PLAA: variants seen among roughly 807,000 people sequenced by gnomAD.
PLAA encodes phospholipase A2 activating protein.
A neutral mutation model predicts 84.1 loss-of-function variants in PLAA; 48 were observed. The ratio of observed to expected loss-of-function variants is 0.57; its 90% CI spans 0.45 to 0.73. PLAA has a LOEUF of 0.73. Among genes scored for constraint, PLAA ranks in the 30% least tolerant of loss-of-function variants. PLAA has a pLI of 0.00. For missense variants in PLAA, 903 were observed against 954.7 expected (o/e 0.95, Z 0.71); for synonymous variants, 392 against 336.6 (o/e 1.16, Z -1.80).
intron 1 of PLAA, among the ~76,000 whole-genome samples, chr9:26,944,511 T>C (rs1377891083): frequency 1.3e-5 from 2 of 152,212 alleles, no homozygotes; most frequent in African/African-American, 4.8e-5. Context: ...ATCTTTTGAC[T>C]TTCCTGGGCC....
intron 1 of PLAA, among the ~76,000 whole-genome samples, chr9:26,939,552 G>A (rs904294416): frequency 4.1e-5 from 6 of 146,820 alleles, no homozygotes; most frequent in Non-Finnish European, 7.4e-5. Flanking sequence ...AAATGGCATC[G>A]GTGATTACTT....
intron 8 of PLAA, among the ~76,000 whole-genome samples, chr9:26,919,888 G>T (rs962764648): frequency 6.6e-6 from 1 of 152,080 alleles, no homozygotes; most frequent in African/African-American, 2.4e-5. Flanking sequence ...TGCCCTGCAG[G>T]GTCTCTCATG....
intron 11 of PLAA, among the ~76,000 whole-genome samples, chr9:26,911,630 A>G (rs2131368728): frequency 6.6e-6 from 1 of 152,286 alleles, no homozygotes; most frequent in South Asian, 2.1e-4. Flanking sequence ...TTAAGTCTCT[A>G]TTATATTAAC....
At chr9:26,928,733 T>C (rs1215587954) in intron 2 of PLAA, among the ~76,000 whole-genome samples, 2 of 152,180 alleles carry the variant, frequency 1.3e-5, no homozygotes, top group African/African-American at 4.8e-5. Flanking sequence ...CAAATCATAA[T>C]AGGGAGATAA....
intron 9 of PLAA, among the ~76,000 whole-genome samples, chr9:26,918,931 C>T (rs1243043432): frequency 6.6e-6 from 1 of 152,004 alleles, no homozygotes; most frequent in Non-Finnish European, 1.5e-5. Context: ...CTAAAACTAC[C>T]CATAGGGTTC....
In PLAA at chr9:26,927,612, T is replaced by C. The variant is rs76614690; in HGVS notation, c.565+488A>G. Among the ~76,000 whole-genome samples the C allele has an allele frequency of 7.4e-3, 1,125 of 152,326 alleles. 5 individuals carry two copies. The highest frequency in any genetic ancestry group is 0.054 in the Middle Eastern group (16 of 294). ...ATGCATCAGTATTGGCATTATTTAATAGCTGGGGTTTAAAAAGAATACTCA... is the reference window on the plus strand; with the variant it reads ...ATGCATCAGTATTGGCATTATTTAACAGCTGGGGTTTAAAAAGAATACTCA... On this transcript the variant is annotated intron_variant, in intron 4 of 13. Coordinates refer to ENST00000397292, the MANE Select transcript of PLAA (RefSeq NM_001031689.3).
At chr9:26,927,796 T>C (rs967150498) in intron 4 of PLAA, among the ~76,000 whole-genome samples, 3 of 152,150 alleles carry the variant, frequency 2.0e-5, no homozygotes, top group African/African-American at 7.2e-5. Context: ...AGTATTAAAA[T>C]GACAACCAAA....
At chr9:26,928,690 C>T (rs534755586) in intron 2 of PLAA, among the ~76,000 whole-genome samples, 3 of 152,312 alleles carry the variant, frequency 2.0e-5, no homozygotes, top group African/African-American at 7.2e-5. Flanking sequence ...GGGAGCGGAA[C>T]TTAAGTGAGC....
At chr9:26,915,954 A>G (rs1049063548) in intron 10 of PLAA, 5 of 985,448 alleles carry the variant, frequency 5.1e-6, no homozygotes, top group Non-Finnish European at 6.0e-6. Flanking sequence ...TCTACTCTTC[A>G]GATCCTTACT....
At chr9:26,913,970 G>A (rs1824476001) in intron 10 of PLAA, 23 bp from the exon 11 acceptor site, 1 of 1,523,018 alleles carries the variant, frequency 6.6e-7, no homozygotes, top group Non-Finnish European at 9.1e-7. Flanking sequence ...AATACTCCTA[G>A]TAAGCAAAGG....
intron 2 of PLAA, among the ~76,000 whole-genome samples, chr9:26,929,525 T>A (rs1413249785): frequency 2.0e-5 from 3 of 152,108 alleles, no homozygotes; most frequent in Admixed American, 6.5e-5. Flanking sequence ...AAGAGTATCA[T>A]TGGCGGTCGA....
chr9:26,907,664 AAGATCAT>A (rs72075160), intron 13 of PLAA, 163 bp downstream of exon 13: 27,772 of 554,840 alleles, frequency 0.05, 976 homozygotes, highest in African/African-American at 0.13. Flanking sequence ...TAACGGAAAC[AAGATCAT>A]CAATTCCAGT....
At chr9:26,917,189 G>C (rs202198857) in intron 9 of PLAA, 24 bp from the exon 10 acceptor site, 225 of 1,603,764 alleles carry the variant, frequency 1.4e-4, no homozygotes, top group Non-Finnish European at 1.8e-4. Flanking sequence ...ATAAAGAAAA[G>C]GCAGAAGTGC....
At chr9:26,916,665 A>G in intron 10 of PLAA, 1 of 991,614 alleles carries the variant, frequency 1.0e-6, no homozygotes, top group Non-Finnish European at 1.2e-6. Context: ...CGCCAGTGAT[A>G]GCACTCATGC....
chr9:26,907,820 G>T lies in PLAA; in HGVS notation c.1822+14C>A. 3 of 1,581,042 alleles carry T rather than the reference G, an allele frequency of 1.9e-6. No individual in the cohort carries two copies. Among genetic ancestry groups the T allele is most frequent in the South Asian group, 2.4e-5 (2 of 83,660 alleles). ...CTTGCTTTCTGGTTACATTTTTGAAGAGTGTTTATTTACCTTCAGGACAGT... is the reference window on the plus strand; with the variant it reads ...CTTGCTTTCTGGTTACATTTTTGAATAGTGTTTATTTACCTTCAGGACAGT... On this transcript the variant is annotated intron_variant, in intron 13 of 13. Transcript: ENST00000397292.
At chr9:26,945,250 A>C (rs921445555) in intron 1 of PLAA, among the ~76,000 whole-genome samples, 6 of 152,212 alleles carry the variant, frequency 3.9e-5, no homozygotes, top group African/African-American at 1.4e-4. Context: ...ACCCTTGTCA[A>C]ACTAGTACAG....
chr9:26,912,276 T>C (rs1054876112), intron 11 of PLAA, among the ~76,000 whole-genome samples: 32 of 152,126 alleles, frequency 2.1e-4, no homozygotes, highest in Admixed American at 1.9e-3. Flanking sequence ...AAGAAAACAG[T>C]GAGTTCAAAG....
intron 13 of PLAA, chr9:26,907,557 A>G (rs1824275854): frequency 6.0e-6 from 2 of 335,704 alleles, no homozygotes; most frequent in African/African-American, 4.4e-5. Flanking sequence ...AAAACAAAAC[A>G]AAACAAAAAA....
chr9:26,908,850 T>G (rs938126523), intron 12 of PLAA, among the ~76,000 whole-genome samples: 1 of 152,210 alleles, frequency 6.6e-6, no homozygotes, highest in African/African-American at 2.4e-5. Context: ...AGTTTCTCCA[T>G]GAGAAAATTT....
Sources: gnomAD v4.1 joint callset for allele counts (sites outside exome capture counted in the v4.1 genomes callset) on GRCh38, gnomAD v4.1.1 for gene constraint, MANE v1.5 for transcripts, NCBI Gene and HGNC (gene_info 2026-07-23, HGNC 2026-07-21) for gene names.